The following ARHGAP10 variants were observed in gnomAD, a reference collection of about 807,000 sequenced individuals.
ARHGAP10 encodes rho GTPase-activating protein 10.
In ARHGAP10, 87 loss-of-function variants were observed where a neutral mutation model predicts 108.6. The ratio of observed to expected loss-of-function variants is 0.80; its 90% CI spans 0.67 to 0.96. The LOEUF (loss-of-function observed/expected upper bound fraction) is 0.96, where lower values mean the gene tolerates loss of function less well. Ranked by LOEUF, ARHGAP10 falls within the 40% of genes least tolerant of loss-of-function variation. ARHGAP10 has a pLI of 0.00. For synonymous variants in ARHGAP10, 347 were observed against 341.1 expected (o/e 1.02, Z -0.19); for missense variants, 939 against 954.5 (o/e 0.98, Z 0.21).
At chr4:147,926,103 G>A (rs1737451057) in intron 13 of ARHGAP10, among the ~76,000 whole-genome samples, 1 of 152,142 alleles carries the variant, frequency 6.6e-6, no homozygotes, top group Non-Finnish European at 1.5e-5. Flanking sequence ...GTGGGGAGAT[G>A]TTTGTGAGCA....
chr4:147,800,818 T>G (rs1195863508), intron 1 of ARHGAP10, among the ~76,000 whole-genome samples: 3 of 152,202 alleles, frequency 2.0e-5, no homozygotes, highest in Non-Finnish European at 4.4e-5. Flanking sequence ...ATTTTTTTCC[T>G]TTTTCTTTTT....
chr4:147,786,363 C>T (rs1336972024), intron 1 of ARHGAP10, among the ~76,000 whole-genome samples: 1 of 152,110 alleles, frequency 6.6e-6, no homozygotes, highest in African/African-American at 2.4e-5. Context: ...AGTAACTGCC[C>T]GGTGAGACTG....
chr4:147,979,744 A>G (rs1739740950), intron 18 of ARHGAP10, among the ~76,000 whole-genome samples: 1 of 152,118 alleles, frequency 6.6e-6, no homozygotes, highest in African/African-American at 2.4e-5. Flanking sequence ...CACGGACATC[A>G]TTCACTTTCT....
intron 1 of ARHGAP10, among the ~76,000 whole-genome samples, chr4:147,821,698 TCTATTAAA>T (rs1732502928): frequency 6.6e-6 from 1 of 152,156 alleles, no homozygotes; most frequent in South Asian, 2.1e-4. Context: ...CTAAAAATAG[TCTATTAAA>T]CAATTTTATT....
chr4:147,855,829 G>A (rs1734064011), intron 4 of ARHGAP10, among the ~76,000 whole-genome samples: 1 of 152,136 alleles, frequency 6.6e-6, no homozygotes, highest in Admixed American at 6.5e-5. Flanking sequence ...CCTGACAGGG[G>A]ACATACTGTC....
chr4:148,056,346 A>G (rs367815500), intron 20 of ARHGAP10, among the ~76,000 whole-genome samples: 21 of 152,206 alleles, frequency 1.4e-4, no homozygotes, highest in African/African-American at 4.3e-4. Context: ...CATTTTCCCT[A>G]TGGGTTTTGG....
At chr4:148,030,278 A>G (rs1728087577) in intron 19 of ARHGAP10, among the ~76,000 whole-genome samples, 1 of 152,074 alleles carries the variant, frequency 6.6e-6, no homozygotes, top group Admixed American at 6.5e-5. Context: ...AATAGCTTTT[A>G]TTTTAATTTC....
chr4:147,736,329 A>G (rs1164336417), intron 1 of ARHGAP10, among the ~76,000 whole-genome samples: 1 of 152,250 alleles, frequency 6.6e-6, no homozygotes, highest in Non-Finnish European at 1.5e-5. Flanking sequence ...TAGGAAAAAC[A>G]TAAAAGTTCT....
intron 8 of ARHGAP10, 25 bp downstream of exon 8, chr4:147,875,175 G>A (rs752574330): frequency 7.8e-6 from 12 of 1,537,128 alleles, no homozygotes. Flanking sequence ...AGCAGTGGCT[G>A]CGTGGCTGCT....
intron 4 of ARHGAP10, among the ~76,000 whole-genome samples, chr4:147,856,946 G>T (rs1370862399): frequency 2.0e-5 from 3 of 152,148 alleles, no homozygotes; most frequent in East Asian, 1.9e-4. Flanking sequence ...TCCGCCTCTG[G>T]GGTTCAAGTG....
At chr4:147,935,037 A>G (rs115198059) in intron 13 of ARHGAP10, among the ~76,000 whole-genome samples, 88 of 152,380 alleles carry the variant, frequency 5.8e-4, no homozygotes, top group Admixed American at 1.8e-3. Flanking sequence ...GAATAAATAT[A>G]TGACAGTTGA....
At chr4:147,894,628 G>A (rs894503124) in intron 10 of ARHGAP10, among the ~76,000 whole-genome samples, 2 of 152,052 alleles carry the variant, frequency 1.3e-5, no homozygotes, top group African/African-American at 2.4e-5. Context: ...CTATGGTTTT[G>A]AAGAAATTTT....
rs1735430127 is a variant in ARHGAP10, at chr4:147,883,705, T to G, written c.1034+1773T>G. On this transcript the variant is annotated intron_variant, in intron 10 of 22. Coordinates refer to ENST00000336498, the MANE Select transcript of ARHGAP10 (RefSeq NM_024605.4). ...TCTTACCTTTTTCTTTTTTCTTTCTTTTTTTTTGAGACGAGTCTCACTTTT... is the reference window on the plus strand; with the variant it reads ...TCTTACCTTTTTCTTTTTTCTTTCTGTTTTTTTGAGACGAGTCTCACTTTT... 1.3e-5 allele frequency among the ~76,000 whole-genome samples: 2 copies of G among 151,976 alleles called. 1 individual carries two copies. Among genetic ancestry groups the G allele is most frequent in the South Asian group, 4.2e-4 (2 of 4,814 alleles).
intron 16 of ARHGAP10, among the ~76,000 whole-genome samples, chr4:147,963,223 G>A (rs1227979340): frequency 6.6e-6 from 1 of 152,126 alleles, no homozygotes; most frequent in African/African-American, 2.4e-5. Flanking sequence ...AGCTGTCTCT[G>A]CACAGGCTCT....
chr4:148,009,424 G>C (rs1236056506), intron 18 of ARHGAP10, among the ~76,000 whole-genome samples: 1 of 152,144 alleles, frequency 6.6e-6, no homozygotes, highest in Non-Finnish European at 1.5e-5. Flanking sequence ...GAGGCGCCAT[G>C]CCTGGCCGAG....
Position 148,003,940 on chromosome 4 carries a change from C to T in ARHGAP10, c.1717-19323C>T, listed in dbSNP as rs192736512. On this transcript the variant is annotated intron_variant, in intron 18 of 22. Coordinates refer to ENST00000336498, the MANE Select transcript of ARHGAP10 (RefSeq NM_024605.4). ...AAGAACACCTATGTGAAGAAAGCTG[C>T]AAAATTATGCTAAGAGACGTGAGAG... Among the ~76,000 whole-genome samples, 44 of 152,342 alleles carry T rather than the reference C, an allele frequency of 2.9e-4. 1 individual carries two copies. The East Asian group carries it at 6.6e-3, about 23-fold the overall frequency.
intron 19 of ARHGAP10, among the ~76,000 whole-genome samples, chr4:148,040,542 A>G (rs1194454616): frequency 1.3e-5 from 2 of 151,994 alleles, no homozygotes; most frequent in Admixed American, 1.3e-4. Context: ...GGGTTTTGCC[A>G]TGTTGGCTAG....
At chr4:147,781,684 T>TTC (rs993333247) in intron 1 of ARHGAP10, among the ~76,000 whole-genome samples, 6 of 149,000 alleles carry the variant, frequency 4.0e-5, no homozygotes, top group African/African-American at 1.5e-4. Context: ...TTCTTTTCTT[T>TTC]TTTTTTTTTT....
rs1733231893 is a variant in ARHGAP10, at chr4:147,837,651, T to TTTTTTTTTTTTTTTTTG, written c.313-9489_313-9488insTTTTTGTTTTTTTTTTT. ...TAGAATCTCTGGTCACTGTTTTTTT[T>TTTTTTTTTTTTTTTTTG]TTTTTTTTTTTAAAGCAGTAGCTTT... On this transcript the variant is annotated intron_variant, in intron 3 of 22. Coordinates refer to ENST00000336498, the MANE Select transcript of ARHGAP10 (RefSeq NM_024605.4). Among the ~76,000 whole-genome samples, 4 of 85,252 alleles carry TTTTTTTTTTTTTTTTTG rather than the reference T, an allele frequency of 4.7e-5. 1 individual carries two copies. Among genetic ancestry groups the TTTTTTTTTTTTTTTTTG allele is most frequent in the Non-Finnish European group, 9.3e-5 (3 of 32,118 alleles). The allele number at this position is 85,252 out of a possible 152,430, so 55.9% of individuals were successfully genotyped here.
Sources: allele counts gnomAD v4.1 joint callset (sites outside exome capture counted in the v4.1 genomes callset), GRCh38; gene constraint gnomAD v4.1.1; transcripts MANE v1.5; gene names NCBI Gene and HGNC (gene_info 2026-07-23, HGNC 2026-07-21).